Variants in MDGA2 observed in about 807,000 individuals in gnomAD.
MDGA2 encodes the protein MAM domain containing glycosylphosphatidylinositol anchor 2.
A neutral mutation model predicts 117.8 loss-of-function variants in MDGA2; 40 were observed. The observed-to-expected ratio is 0.34, with a 90% CI of 0.26 to 0.44. The LOEUF (loss-of-function observed/expected upper bound fraction) is 0.44. MDGA2 is among the 20% of genes least tolerant of loss of function. The pLI is 1.00. For missense variants in MDGA2, 1,123 were observed against 1,250.6 expected, an observed-to-expected ratio of 0.90 and a Z score of 1.54; for synonymous variants, 452 against 439.0, an observed-to-expected ratio of 1.03 and a Z score of -0.37.
At chr14:47,023,311 T>C (rs187918817) in intron 8 of MDGA2, among the ~76,000 whole-genome samples, 3 of 152,028 alleles carry the variant, frequency 2.0e-5, no homozygotes, top group African/African-American at 4.8e-5. Context: ...TAGGAATCTC[T>C]TGCAGGAGGT....
At chr14:47,670,432 C>T (rs968964482) in intron 1 of MDGA2, among the ~76,000 whole-genome samples, 1 of 152,070 alleles carries the variant, frequency 6.6e-6, no homozygotes, top group African/African-American at 2.4e-5. Context: ...AGTACTTCTT[C>T]TTTTTTTAGC....
At chr14:47,374,691 A>T (rs1010699386) in intron 1 of MDGA2, among the ~76,000 whole-genome samples, 1 of 152,096 alleles carries the variant, frequency 6.6e-6, no homozygotes, top group Non-Finnish European at 1.5e-5. Flanking sequence ...AGAAAAACAC[A>T]GACTGGATTT....
intron 1 of MDGA2, among the ~76,000 whole-genome samples, chr14:47,489,111 TA>T (rs1168297769): frequency 1.3e-5 from 2 of 152,052 alleles, no homozygotes; most frequent in Non-Finnish European, 2.9e-5. Flanking sequence ...GTGGACAATT[TA>T]AGTTCCTTGT....
chr14:47,305,777 A>G (rs1460898396), intron 1 of MDGA2, among the ~76,000 whole-genome samples: 1 of 152,198 alleles, frequency 6.6e-6, no homozygotes, highest in African/African-American at 2.4e-5. Context: ...TTAAAATTAT[A>G]TGATAATTGA....
At chr14:47,296,839 A>G (rs985044785) in intron 2 of MDGA2, among the ~76,000 whole-genome samples, 3 of 152,230 alleles carry the variant, frequency 2.0e-5, no homozygotes, top group Non-Finnish European at 4.4e-5. Flanking sequence ...TGAAGGACAC[A>G]GCAGCAATTA....
At chr14:47,462,527 A>G (rs776076201) in intron 1 of MDGA2, among the ~76,000 whole-genome samples, 1 of 152,244 alleles carries the variant, frequency 6.6e-6, no homozygotes, top group Admixed American at 6.5e-5. Context: ...AACTTCCTGG[A>G]TGTTAACAAT....
chr14:47,288,963 T>C (rs1203580656), intron 2 of MDGA2, among the ~76,000 whole-genome samples: 1 of 152,162 alleles, frequency 6.6e-6, no homozygotes, highest in Non-Finnish European at 1.5e-5. Flanking sequence ...AGAATAAATG[T>C]ATCATGTTTA....
chr14:47,190,401 T>C (rs1371316700), intron 3 of MDGA2, among the ~76,000 whole-genome samples: 1 of 152,190 alleles, frequency 6.6e-6, no homozygotes, highest in African/African-American at 2.4e-5. Context: ...TGCTGTATTA[T>C]ATAAACACAT....
rs182062058 is a variant in MDGA2, at chr14:47,617,118, T to C, written c.280+57399A>G. Among the ~76,000 whole-genome samples the C allele has an allele frequency of 6.0e-3, 907 of 152,242 alleles. 6 individuals are homozygous for C. Among genetic ancestry groups the C allele is most frequent in the Middle Eastern group, 0.01 (3 of 294 alleles). ...ATTCAACTCATATGCCTACAAAAGA[T>C]CTAACAGTCTCATATATAGTGAAGA... On this transcript the variant is annotated intron_variant, in intron 1 of 16. Coordinates refer to ENST00000399232, the MANE Select transcript of MDGA2 (RefSeq NM_001113498.3).
intron 1 of MDGA2, among the ~76,000 whole-genome samples, chr14:47,409,613 C>T (rs915692867): frequency 6.6e-6 from 1 of 152,142 alleles, no homozygotes; most frequent in Non-Finnish European, 1.5e-5. Flanking sequence ...GTTCAGTTTT[C>T]TAAGAAGAGT....
chr14:47,493,066 T>C (rs1894205308), intron 1 of MDGA2, among the ~76,000 whole-genome samples: 1 of 151,858 alleles, frequency 6.6e-6, no homozygotes, highest in Non-Finnish European at 1.5e-5. Flanking sequence ...AGTATCAAAA[T>C]AATACAGTGC....
At chr14:47,017,102 T>C (rs73241247) in intron 8 of MDGA2, among the ~76,000 whole-genome samples, 22,002 of 151,896 alleles carry the variant, frequency 0.14, 1,785 homozygotes, top group South Asian at 0.27. Flanking sequence ...TGTGTTTATC[T>C]AGTCTGATTG....
At chr14:47,603,110 C>T (rs12587950) in intron 1 of MDGA2, among the ~76,000 whole-genome samples, 4 of 152,064 alleles carry the variant, frequency 2.6e-5, no homozygotes, top group African/African-American at 7.2e-5. Context: ...ATAATCTACC[C>T]CAATAAGAAT....
intron 1 of MDGA2, among the ~76,000 whole-genome samples, chr14:47,546,980 A>G (rs1339501139): frequency 1.3e-5 from 2 of 152,186 alleles, no homozygotes; most frequent in African/African-American, 4.8e-5. Context: ...TTTGTCCTCC[A>G]TGATTCACAA....
intron 1 of MDGA2, among the ~76,000 whole-genome samples, chr14:47,383,167 A>G (rs1191541414): frequency 6.6e-6 from 1 of 152,196 alleles, no homozygotes; most frequent in Non-Finnish European, 1.5e-5. Flanking sequence ...GAACACTTGG[A>G]CACAGGATGG....
intron 8 of MDGA2, among the ~76,000 whole-genome samples, chr14:46,996,114 G>C (rs1887281462): frequency 6.6e-6 from 1 of 152,120 alleles, no homozygotes; most frequent in Non-Finnish European, 1.5e-5. Flanking sequence ...GGAGATATGA[G>C]ATAAGTGCCA....
chr14:47,088,318 G>A (rs1890985090), intron 6 of MDGA2, among the ~76,000 whole-genome samples: 1 of 151,994 alleles, frequency 6.6e-6, no homozygotes, highest in African/African-American at 2.4e-5. Flanking sequence ...TTTTGGGGAG[G>A]TGTAATTACT....
intron 8 of MDGA2, among the ~76,000 whole-genome samples, chr14:46,990,010 TCACTA>T (rs1239061093): frequency 3.3e-5 from 5 of 152,246 alleles, no homozygotes; most frequent in Admixed American, 2.6e-4. Context: ...GGACAGGCTG[TCACTA>T]AAGAATACTC....
chr14:47,301,761 G>C (rs1889293395), intron 1 of MDGA2, among the ~76,000 whole-genome samples: 1 of 152,096 alleles, frequency 6.6e-6, no homozygotes, highest in South Asian at 2.1e-4. Context: ...ACATTTCCAG[G>C]GGAACAAGGT....
Sources: gnomAD v4.1 joint callset for allele counts (sites outside exome capture counted in the v4.1 genomes callset) on GRCh38, gnomAD v4.1.1 for gene constraint, MANE v1.5 for transcripts, NCBI Gene and HGNC (gene_info 2026-07-23, HGNC 2026-07-21) for gene names.